The following BNC2 variants were observed in gnomAD, a reference collection of about 807,000 sequenced individuals.
BNC2 encodes zinc finger protein basonuclin-2.
In BNC2, 20 loss-of-function variants were observed where a neutral mutation model predicts 76.3. The observed-to-expected ratio is 0.26, with a 90% confidence interval of 0.18 to 0.38. BNC2 has a LOEUF of 0.38. Ranked by LOEUF, BNC2 falls within the 10% of genes least tolerant of loss-of-function variation. The pLI, the probability that BNC2 is intolerant of heterozygous loss-of-function variation, is 1.00. For missense variants in BNC2, 1,382 were observed against 1,399.8 expected (o/e 0.99, Z 0.20); for synonymous variants, 582 against 514.8 (o/e 1.13, Z -1.77).
intron 5 of BNC2, among the ~76,000 whole-genome samples, chr9:16,524,370 G>A (rs1452688098): frequency 6.6e-6 from 1 of 152,100 alleles, no homozygotes; most frequent in East Asian, 1.9e-4. Flanking sequence ...GAACATCCTA[G>A]GTGGTAAGGA....
chr9:16,796,764 T>G (rs1289799580), intron 1 of BNC2, among the ~76,000 whole-genome samples: 1 of 152,228 alleles, frequency 6.6e-6, no homozygotes, highest in Non-Finnish European at 1.5e-5. Flanking sequence ...TGACAAATCT[T>G]TATAAATGGG....
At chr9:16,536,709 G>C (rs1207230145) in intron 5 of BNC2, among the ~76,000 whole-genome samples, 1 of 152,052 alleles carries the variant, frequency 6.6e-6, no homozygotes, top group African/African-American at 2.4e-5. Context: ...AATGAAAAGA[G>C]AAAATATAAT....
chr9:16,440,861 T>G (rs545593784), intron 5 of BNC2, among the ~76,000 whole-genome samples: 2 of 152,220 alleles, frequency 1.3e-5, no homozygotes, highest in Admixed American at 1.3e-4. Flanking sequence ...TGCTAGTTCC[T>G]GAATCATAAA....
chr9:16,742,019 T>C (rs1824866951), intron 1 of BNC2, among the ~76,000 whole-genome samples: 1 of 148,702 alleles, frequency 6.7e-6, no homozygotes, highest in Non-Finnish European at 1.5e-5. Context: ...TAGTATGATA[T>C]AAATCATTGT....
At chr9:16,728,207 T>G in intron 2 of BNC2, 1 of 629,414 alleles carries the variant, frequency 1.6e-6, no homozygotes, top group East Asian at 2.8e-5. Flanking sequence ...TTGCTCAGTT[T>G]AACAGCTGCC....
At chr9:16,681,299 C>T (rs1822814020) in intron 3 of BNC2, among the ~76,000 whole-genome samples, 1 of 152,124 alleles carries the variant, frequency 6.6e-6, no homozygotes, top group African/African-American at 2.4e-5. Flanking sequence ...GTCATATGGA[C>T]CTCATTCTGT....
chr9:16,659,129 T>C (rs957138849), intron 3 of BNC2, among the ~76,000 whole-genome samples: 5 of 141,888 alleles, frequency 3.5e-5, no homozygotes, highest in Non-Finnish European at 7.5e-5. Flanking sequence ...CAGGTGTGGG[T>C]AAATGGCAGA....
intron 1 of BNC2, among the ~76,000 whole-genome samples, chr9:16,857,480 TAAAAAAAA>T (rs60082380): frequency 2.2e-4 from 17 of 75,678 alleles, no homozygotes; most frequent in Non-Finnish European, 1.0e-4. Flanking sequence ...CTGTCTCAAA[TAAAAAAAA>T]AAAAAAAAAA....
chr9:16,866,513 C>T (rs1563977758), intron 1 of BNC2, among the ~76,000 whole-genome samples: 2 of 152,004 alleles, frequency 1.3e-5, no homozygotes, highest in South Asian at 4.2e-4. Context: ...ACAAAAACTA[C>T]AAACAGTAGT....
At chr9:16,778,392 GAA>G (rs1188220008) in intron 1 of BNC2, among the ~76,000 whole-genome samples, 4 of 151,976 alleles carry the variant, frequency 2.6e-5, no homozygotes, top group Non-Finnish European at 5.9e-5. Context: ...AACTTTGGAA[GAA>G]AAAACCCCCA....
At chr9:16,476,533 T>C (rs1821930925) in intron 5 of BNC2, among the ~76,000 whole-genome samples, 1 of 151,756 alleles carries the variant, frequency 6.6e-6, no homozygotes, top group South Asian at 2.1e-4. Context: ...TCTAGATAAC[T>C]TGCTTTTTAA....
chr9:16,575,703 A>T (rs1429535256), intron 4 of BNC2, among the ~76,000 whole-genome samples: 1 of 152,170 alleles, frequency 6.6e-6, no homozygotes, highest in Non-Finnish European at 1.5e-5. Flanking sequence ...CCCTCAGGTC[A>T]AGCCCAAAAA....
chr9:16,760,162 C>T (rs1383471815), intron 1 of BNC2, among the ~76,000 whole-genome samples: 3 of 152,126 alleles, frequency 2.0e-5, no homozygotes, highest in Non-Finnish European at 4.4e-5. Context: ...AAGTATACCA[C>T]CAAGTAATCA....
chr9:16,804,920 G>T (rs1230719003), intron 1 of BNC2, among the ~76,000 whole-genome samples: 2 of 151,992 alleles, frequency 1.3e-5, no homozygotes, highest in Non-Finnish European at 2.9e-5. Context: ...AAATTAGCCG[G>T]GTGTGGTGGC....
At chr9:16,691,983 G>A (rs550936567) in intron 3 of BNC2, among the ~76,000 whole-genome samples, 96 of 151,606 alleles carry the variant, frequency 6.3e-4, no homozygotes, top group African/African-American at 2.3e-3. Context: ...GCTAATTTTT[G>A]TACTTTTAGT....
At chr9:16,517,844 A>T (rs981964599) in intron 5 of BNC2, among the ~76,000 whole-genome samples, 4 of 152,098 alleles carry the variant, frequency 2.6e-5, no homozygotes, top group African/African-American at 9.7e-5. Context: ...TAGGGTCCTG[A>T]GTTTTCTAAG....
chr9:16,699,548 T>A (rs1294961428), intron 3 of BNC2, among the ~76,000 whole-genome samples: 1 of 152,170 alleles, frequency 6.6e-6, no homozygotes, highest in Admixed American at 6.5e-5. Context: ...AGTATGTACA[T>A]GATGCAAGTA....
At chr9:16,739,319 A>G (rs1440867477) in intron 1 of BNC2, among the ~76,000 whole-genome samples, 1 of 152,242 alleles carries the variant, frequency 6.6e-6, no homozygotes, top group African/African-American at 2.4e-5. Flanking sequence ...TTATCTGGCA[A>G]CAGTATGACA....
chr9:16,568,464 C>T (rs1205532847), intron 4 of BNC2, among the ~76,000 whole-genome samples: 1 of 152,122 alleles, frequency 6.6e-6, no homozygotes, highest in Non-Finnish European at 1.5e-5. Flanking sequence ...TTATACCACA[C>T]TTCATAATAA....
Sources: allele counts gnomAD v4.1 joint callset (sites outside exome capture counted in the v4.1 genomes callset), GRCh38; gene constraint gnomAD v4.1.1; transcripts MANE v1.5; gene names NCBI Gene and HGNC (gene_info 2026-07-23, HGNC 2026-07-21).